The following ABCC8 variants were observed in gnomAD, a reference collection of about 807,000 sequenced individuals.
The protein encoded by ABCC8 is ATP binding cassette subfamily C member 8, also known as ATP-binding cassette sub-family C member 8.
In ABCC8, 137 loss-of-function variants were observed where a neutral mutation model predicts 188.0. That is an observed-to-expected ratio of 0.73 (90% CI 0.63 to 0.84). The LOEUF is 0.84. ABCC8 is among the 40% of genes least tolerant of loss of function. The probability of loss-of-function intolerance (pLI) is 0.00; values close to 1 mark genes in which losing one functional copy is unlikely to be tolerated. For synonymous variants in ABCC8, 797 were observed against 846.5 expected, an observed-to-expected ratio of 0.94 and a Z score of 1.01; for missense variants, 1,750 against 2,072.7, an observed-to-expected ratio of 0.84 and a Z score of 3.02.
chr11:17,407,086 C>T lies in ABCC8; in HGVS notation c.2964G>A (p.Met988Ile). 1 of 1,613,820 alleles carries T rather than the reference C, an allele frequency of 6.2e-7. No individual in the cohort carries two copies. The highest frequency in any genetic ancestry group is 1.1e-5 in the South Asian group (1 of 91,076). ...ESEEDDNLSS[M>I]LHQRAEIPWR... Reference sequence around the variant, plus strand: ...ATGGGATCTCAGCACGCTGGTGCAGCATGGACGACAGGTTGTCATCCTCCT... The same window carrying T: ...ATGGGATCTCAGCACGCTGGTGCAGTATGGACGACAGGTTGTCATCCTCCT... Residue 988 changes from methionine to isoleucine, a missense_variant, in exon 25 of 39, where the codon ATG becomes ATA. Coordinates refer to ENST00000389817, the MANE Select transcript of ABCC8 (RefSeq NM_000352.6).
At chr11:17,403,198 T>C (rs1954336622) in intron 28 of ABCC8, among the ~76,000 whole-genome samples, 1 of 152,116 alleles carries the variant, frequency 6.6e-6, no homozygotes, top group Non-Finnish European at 1.5e-5. Context: ...AGGAGCTCTT[T>C]AGACCCTGGC....
At chr11:17,405,689 C>T (rs1954482496) in intron 26 of ABCC8, 126 bp from the exon 27 acceptor site, 3 of 1,547,002 alleles carry the variant, frequency 1.9e-6, no homozygotes, top group African/African-American at 2.7e-5. Flanking sequence ...CATCCTCTGC[C>T]AATTTGTAGA....
rs772291578 is a variant in ABCC8 at position 17,453,081 on chromosome 11, G to A, written c.1176+38C>T. On this transcript the variant is annotated intron_variant, in intron 7 of 38. Coordinates refer to ENST00000389817, the MANE Select transcript of ABCC8 (RefSeq NM_000352.6). ...CTCATGGACATTATTCCTAATAATG[G>A]TTCTTATGGCAAAGTGAAAAAATAA... 5.2e-6 allele frequency: 8 copies of A among 1,536,940 alleles called. No individual in the cohort carries two copies. The South Asian group carries it at 6.7e-5, about 13-fold the overall frequency.
At chr11:17,410,193 G>A (rs1954741727) in intron 22 of ABCC8, 1 of 318,606 alleles carries the variant, frequency 3.1e-6, no homozygotes, top group Admixed American at 4.3e-5. Flanking sequence ...TGACTGCGGG[G>A]ATGGGTCATC....
chr11:17,467,042 C>CACACA (rs1848197376), intron 3 of ABCC8, among the ~76,000 whole-genome samples: 1 of 132,312 alleles, frequency 7.6e-6, no homozygotes, highest in Non-Finnish European at 1.6e-5. Flanking sequence ...ACATGTTAAA[C>CACACA]CACACACACA....
At position 17,392,951 on chromosome 11, in the gene ABCC8, G is replaced by T; in HGVS notation, c.*40C>A. 3 of 1,599,308 alleles carry T rather than the reference G, an allele frequency of 1.9e-6. No individual in the cohort carries two copies. Among genetic ancestry groups the T allele is most frequent in the Non-Finnish European group, 2.6e-6 (3 of 1,167,260 alleles). ...TTAGAAAACCCAGGCAGGGGTATGG[G>T]CAGGGTCCGAATGTGGGATGGCACT... On this transcript the variant is annotated 3_prime_UTR_variant, in exon 39 of 39. Transcript: ENST00000389817.
chr11:17,433,823 C>T (rs1462123338), intron 10 of ABCC8, among the ~76,000 whole-genome samples: 2 of 152,176 alleles, frequency 1.3e-5, no homozygotes, highest in South Asian at 2.1e-4. Flanking sequence ...TTTCTCTGCC[C>T]GTGAGGCTTT....
intron 4 of ABCC8, among the ~76,000 whole-genome samples, chr11:17,463,051 G>T (rs937607000): frequency 6.6e-6 from 1 of 152,104 alleles, no homozygotes. Flanking sequence ...CAAACAGAAA[G>T]GAAAACAAAA....
intron 35 of ABCC8, 21 bp from the exon 36 acceptor site, chr11:17,395,296 C>A (rs758090008): frequency 6.4e-7 from 1 of 1,562,894 alleles, no homozygotes. Context: ...CACAGAAAGC[C>A]CCAGTAGGGA....
chr11:17,409,478 A>T (rs1194722428), intron 22 of ABCC8, among the ~76,000 whole-genome samples: 2 of 152,208 alleles, frequency 1.3e-5, no homozygotes, highest in East Asian at 3.8e-4. Flanking sequence ...GAAACTCAGA[A>T]ACAAACCTTC....
At chr11:17,444,643 A>G (rs1034677445) in intron 8 of ABCC8, among the ~76,000 whole-genome samples, 1 of 152,206 alleles carries the variant, frequency 6.6e-6, no homozygotes, top group Non-Finnish European at 1.5e-5. Context: ...ATGCAGAAGA[A>G]ATCATGGATT....
In ABCC8 at chr11:17,402,733, T is replaced by A. The variant is rs139486832; in HGVS notation, c.3578A>T (p.Asp1193Val). Residue 1193 changes from aspartate to valine, a missense_variant, in exon 29 of 39, where the codon GAC becomes GTC. Coordinates refer to ENST00000389817, the MANE Select transcript of ABCC8 (RefSeq NM_000352.6). ...VASRDLQQLD[D>V]TTQLPLLSHF... Reference sequence around the variant, plus strand: ...TGAGAGAAGTGGAAGCTGGGTGGTGTCATCCAGCTGCTGCAGGTCCCTGTG... The same window carrying A: ...TGAGAGAAGTGGAAGCTGGGTGGTGACATCCAGCTGCTGCAGGTCCCTGTG... 3.6e-5 allele frequency: 58 copies of A among 1,614,180 alleles called. No individual in the cohort carries two copies. The African/African-American group carries it at 7.1e-4, about 20-fold the overall frequency.
chr11:17,473,215 T>C (rs1379469493), intron 2 of ABCC8, among the ~76,000 whole-genome samples: 1 of 151,816 alleles, frequency 6.6e-6, no homozygotes, highest in Non-Finnish European at 1.5e-5. Context: ...ATCTGGTGAG[T>C]ATTTCCCATC....
In ABCC8 at chr11:17,460,472, C is replaced by A. The variant is rs1446030845; in HGVS notation, c.1011+16G>T. The A allele has an allele frequency of 3.7e-6, 6 of 1,613,946 alleles. No individual in the cohort carries two copies. The African/African-American group carries it at 6.7e-5, about 18-fold the overall frequency. ...CCATCTAGAGGGTGCCTTACCCTAC[C>A]CCTGGGGCTGCCTACCTTGGGCTGG... On this transcript the variant is annotated intron_variant, in intron 6 of 38. Transcript: ENST00000389817.
intron 4 of ABCC8, among the ~76,000 whole-genome samples, 186 bp downstream of exon 4, chr11:17,463,252 G>A (rs573274163): frequency 1.3e-5 from 2 of 152,142 alleles, no homozygotes; most frequent in Non-Finnish European, 2.9e-5. Context: ...TAGAGCACAC[G>A]TGGGCCAGAT....
At chr11:17,437,506 G>A (rs1183318453) in intron 10 of ABCC8, among the ~76,000 whole-genome samples, 1 of 152,232 alleles carries the variant, frequency 6.6e-6, no homozygotes, top group Non-Finnish European at 1.5e-5. Context: ...TCACAGTTTG[G>A]GCCTAATTGC....
intron 37 of ABCC8, 23 bp from the exon 38 acceptor site, chr11:17,393,782 G>C: frequency 6.2e-7 from 1 of 1,614,104 alleles, no homozygotes; most frequent in Non-Finnish European, 8.5e-7. Flanking sequence ...GGCAACAGCT[G>C]TTGGCTCACC....
At chr11:17,445,293 T>C (rs1956479627) in intron 8 of ABCC8, among the ~76,000 whole-genome samples, 1 of 152,216 alleles carries the variant, frequency 6.6e-6, no homozygotes, top group Non-Finnish European at 1.5e-5. Flanking sequence ...TTCAAAAGTA[T>C]GTGTAGATAA....
chr11:17,416,912 C>G lies in ABCC8; in HGVS notation c.2255+18G>C, dbSNP rs544785355. 3 of 1,613,952 alleles carry G rather than the reference C, an allele frequency of 1.9e-6. No individual in the cohort carries two copies. The highest frequency in any genetic ancestry group is 2.5e-6 in the Non-Finnish European group (3 of 1,179,946). ...CCCTTTGTTGAGACCCACTTCTGAC[C>G]CAGTCCCAAGGCTGTACCTGGGGTC... On this transcript the variant is annotated intron_variant, in intron 17 of 38. Coordinates refer to ENST00000389817, the MANE Select transcript of ABCC8 (RefSeq NM_000352.6).
Sources: allele counts gnomAD v4.1 joint callset (sites outside exome capture counted in the v4.1 genomes callset), GRCh38; gene constraint gnomAD v4.1.1; transcripts MANE v1.5; gene names NCBI Gene and HGNC (gene_info 2026-07-23, HGNC 2026-07-21).